Variants in LRRC4C observed in about 807,000 individuals in gnomAD.
The protein encoded by LRRC4C is leucine-rich repeat-containing protein 4C.
In LRRC4C, 5 loss-of-function variants were observed where a neutral mutation model predicts 33.6. That is an observed-to-expected ratio of 0.15 (90% confidence interval 0.08 to 0.31). The LOEUF (loss-of-function observed/expected upper bound fraction) is 0.31, where lower values mean the gene tolerates loss of function less well. LRRC4C is among the 10% of genes least tolerant of loss of function. LRRC4C has a pLI of 1.00. For missense variants in LRRC4C, 560 were observed against 796.7 expected, an observed-to-expected ratio of 0.70 and a Z score of 3.58; for synonymous variants, 329 against 302.0, an observed-to-expected ratio of 1.09 and a Z score of -0.93.
At chr11:40,173,642 A>C (rs1231937705) in intron 5 of LRRC4C, among the ~76,000 whole-genome samples, 1 of 152,202 alleles carries the variant, frequency 6.6e-6, no homozygotes, top group African/African-American at 2.4e-5. Context: ...TTATGGAAAC[A>C]AAATCTCAGT....
chr11:41,164,580 G>A (rs1944635364), intron 1 of LRRC4C, among the ~76,000 whole-genome samples: 1 of 152,150 alleles, frequency 6.6e-6, no homozygotes, highest in Admixed American at 6.5e-5. Context: ...ATGACTGGCA[G>A]TGCAGTAGGA....
intron 3 of LRRC4C, among the ~76,000 whole-genome samples, chr11:40,539,744 C>G (rs927378489): frequency 1.3e-5 from 2 of 151,926 alleles, no homozygotes; most frequent in African/African-American, 2.4e-5. Context: ...CATATGTAAA[C>G]AAATAAACAA....
chr11:40,352,117 TC>T (rs1947426457), intron 3 of LRRC4C, among the ~76,000 whole-genome samples: 1 of 12,108 alleles, frequency 8.3e-5, no homozygotes, highest in Non-Finnish European at 1.9e-4. Flanking sequence ...CTTTCTTCCT[TC>T]CTTCCTTCCT....
At chr11:41,212,582 C>G (rs1009349984) in intron 1 of LRRC4C, among the ~76,000 whole-genome samples, 2 of 152,126 alleles carry the variant, frequency 1.3e-5, no homozygotes, top group Non-Finnish European at 2.9e-5. Flanking sequence ...CTCCTTCTTC[C>G]CACCCCTCCC....
At chr11:41,130,030 T>G (rs905570647) in intron 1 of LRRC4C, among the ~76,000 whole-genome samples, 4 of 151,962 alleles carry the variant, frequency 2.6e-5, no homozygotes, top group Non-Finnish European at 5.9e-5. Flanking sequence ...GGAGACTAGA[T>G]CCTCTTGACT....
chr11:41,312,056 C>G (rs1950657307), intron 1 of LRRC4C, among the ~76,000 whole-genome samples: 1 of 152,190 alleles, frequency 6.6e-6, no homozygotes, highest in Admixed American at 6.5e-5. Flanking sequence ...CACTAGTTGA[C>G]AGATGAATCC....
chr11:40,813,272 A>G (rs1951568605), intron 2 of LRRC4C, among the ~76,000 whole-genome samples: 1 of 152,202 alleles, frequency 6.6e-6, no homozygotes, highest in Non-Finnish European at 1.5e-5. Context: ...AAGAGGTTTA[A>G]TTGACTCACA....
At chr11:40,116,862 A>G (rs1855474642) in intron 6 of LRRC4C, among the ~76,000 whole-genome samples, 1 of 152,238 alleles carries the variant, frequency 6.6e-6, no homozygotes, top group African/African-American at 2.4e-5. Flanking sequence ...CAAAATAAAA[A>G]TGTAGGAAGC....
intron 1 of LRRC4C, among the ~76,000 whole-genome samples, chr11:41,194,232 C>A (rs545789337): frequency 6.6e-6 from 1 of 152,126 alleles, no homozygotes; most frequent in Non-Finnish European, 1.5e-5. Context: ...GGCATTCAGT[C>A]AACAGTAGGC....
chr11:40,826,693 A>G (rs1323459422), intron 2 of LRRC4C, among the ~76,000 whole-genome samples: 2 of 151,982 alleles, frequency 1.3e-5, no homozygotes, highest in Admixed American at 1.3e-4. Context: ...ACTAATTGGA[A>G]AACTTGAGAC....
intron 1 of LRRC4C, among the ~76,000 whole-genome samples, chr11:41,009,443 C>A (rs150892306): frequency 6.6e-6 from 1 of 151,828 alleles, no homozygotes; most frequent in Non-Finnish European, 1.5e-5. Context: ...ATGTTTTGTT[C>A]GAAGAAAACA....
intron 5 of LRRC4C, among the ~76,000 whole-genome samples, chr11:40,226,848 A>C (rs1864836159): frequency 6.6e-6 from 1 of 152,222 alleles, no homozygotes; most frequent in South Asian, 2.1e-4. Context: ...TTTGCATTTC[A>C]ATAGTTATTT....
At chr11:41,189,247 C>T (rs1442455133) in intron 1 of LRRC4C, among the ~76,000 whole-genome samples, 1 of 152,076 alleles carries the variant, frequency 6.6e-6, no homozygotes, top group African/African-American at 2.4e-5. Context: ...ATGGTCAGTG[C>T]TATGAAGATG....
At chr11:40,762,652 G>T (rs1417724707) in intron 2 of LRRC4C, among the ~76,000 whole-genome samples, 2 of 152,192 alleles carry the variant, frequency 1.3e-5, no homozygotes, top group East Asian at 3.9e-4. Context: ...ATATTTCTTT[G>T]TATGAGATGC....
At chr11:41,102,495 T>G (rs932060672) in intron 1 of LRRC4C, among the ~76,000 whole-genome samples, 4 of 152,042 alleles carry the variant, frequency 2.6e-5, no homozygotes, top group African/African-American at 9.7e-5. Flanking sequence ...TTCTCTCCAA[T>G]AAAAACCACA....
At chr11:41,012,403 T>C (rs902416003) in intron 1 of LRRC4C, among the ~76,000 whole-genome samples, 1 of 152,164 alleles carries the variant, frequency 6.6e-6, no homozygotes, top group Non-Finnish European at 1.5e-5. Context: ...TTGCAGAAAA[T>C]GAAAATATTT....
intron 1 of LRRC4C, among the ~76,000 whole-genome samples, chr11:40,933,966 A>G (rs974537177): frequency 6.6e-6 from 1 of 152,156 alleles, no homozygotes; most frequent in African/African-American, 2.4e-5. Context: ...TTCTGAGAAA[A>G]GTGTCACTTT....
At chr11:40,530,874 A>G (rs960435300) in intron 3 of LRRC4C, among the ~76,000 whole-genome samples, 1 of 152,120 alleles carries the variant, frequency 6.6e-6, no homozygotes, top group Non-Finnish European at 1.5e-5. Flanking sequence ...AGTACAGGCT[A>G]AGTGGAGGGA....
intron 5 of LRRC4C, among the ~76,000 whole-genome samples, chr11:40,220,040 A>C (rs1864289513): frequency 1.3e-5 from 2 of 152,198 alleles, no homozygotes; most frequent in Admixed American, 6.6e-5. Flanking sequence ...ATTTTTAATA[A>C]ATATCAGAAA....
Sources: allele counts gnomAD v4.1 joint callset (sites outside exome capture counted in the v4.1 genomes callset), GRCh38; gene constraint gnomAD v4.1.1; transcripts MANE v1.5; gene names NCBI Gene and HGNC (gene_info 2026-07-23, HGNC 2026-07-21).